The following CTNNA2 variants were observed in gnomAD, a reference collection of about 807,000 sequenced individuals.
CTNNA2 encodes the protein catenin alpha-2.
Under a neutral mutation model 101.0 loss-of-function variants are expected in CTNNA2, and 42 were observed. The observed-to-expected ratio is 0.42, with a 90% CI of 0.32 to 0.54. The LOEUF (loss-of-function observed/expected upper bound fraction) is 0.54, where lower values mean the gene tolerates loss of function less well. Ranked by LOEUF, CTNNA2 falls within the 20% of genes least tolerant of loss-of-function variation. The pLI, the probability that CTNNA2 is intolerant of heterozygous loss-of-function variation, is 0.14. For synonymous variants in CTNNA2, 450 were observed against 456.4 expected (o/e 0.99, Z 0.18); for missense variants, 871 against 1,223.1 (o/e 0.71, Z 4.29).
chr2:79,439,888 C>T (rs1311013155), intron 4 of CTNNA2, among the ~76,000 whole-genome samples: 1 of 152,162 alleles, frequency 6.6e-6, no homozygotes, highest in Non-Finnish European at 1.5e-5. Context: ...TGTTTGAGAA[C>T]CACTGCCTAG....
chr2:80,088,814 A>G (rs1272778754), intron 7 of CTNNA2, among the ~76,000 whole-genome samples: 1 of 152,104 alleles, frequency 6.6e-6, no homozygotes, highest in Admixed American at 6.6e-5. Context: ...AACACTCAAC[A>G]TGTTTGAAAG....
chr2:80,498,133 A>G (rs73941154), intron 9 of CTNNA2, among the ~76,000 whole-genome samples: 2,077 of 152,262 alleles, frequency 0.014, 52 homozygotes, highest in African/African-American at 0.048. Context: ...AACAAACAAC[A>G]ACCAAAAAAA....
intron 7 of CTNNA2, among the ~76,000 whole-genome samples, chr2:80,256,265 A>G (rs1389978611): frequency 6.6e-6 from 1 of 151,958 alleles, no homozygotes; most frequent in East Asian, 1.9e-4. Flanking sequence ...TCACAAAAAT[A>G]TATACACGGG....
chr2:80,528,879 G>T (rs1690274999), intron 9 of CTNNA2, among the ~76,000 whole-genome samples: 1 of 152,054 alleles, frequency 6.6e-6, no homozygotes, highest in Non-Finnish European at 1.5e-5. Flanking sequence ...CAGTCCCTGA[G>T]GACAGATTAG....
At chr2:80,616,175 C>A (rs1172547238) in intron 17 of CTNNA2, among the ~76,000 whole-genome samples, 7 of 151,666 alleles carry the variant, frequency 4.6e-5, no homozygotes, top group Non-Finnish European at 1.0e-4. Flanking sequence ...TTTGGCAAAT[C>A]TCTTTTGCAA....
intron 7 of CTNNA2, among the ~76,000 whole-genome samples, chr2:80,337,129 G>A (rs1238632627): frequency 6.6e-6 from 1 of 152,148 alleles, no homozygotes; most frequent in Non-Finnish European, 1.5e-5. Context: ...GCCGAGGTGG[G>A]CAGATCACGA....
chr2:79,969,507 C>A (rs1244055624), intron 7 of CTNNA2, among the ~76,000 whole-genome samples: 2 of 152,190 alleles, frequency 1.3e-5, no homozygotes, highest in African/African-American at 2.4e-5. Context: ...AAAGAAATTA[C>A]AGGTTTGTTT....
intron 2 of CTNNA2, among the ~76,000 whole-genome samples, chr2:79,287,287 G>A (rs757390065): frequency 6.6e-5 from 10 of 152,274 alleles, no homozygotes; most frequent in Admixed American, 2.6e-4. Context: ...GCTTTGTTCC[G>A]TTGCTGGTGA....
chr2:79,927,405 T>G (rs1574331478), intron 7 of CTNNA2, among the ~76,000 whole-genome samples: 1 of 152,086 alleles, frequency 6.6e-6, no homozygotes, highest in African/African-American at 2.4e-5. Flanking sequence ...ACTAGTGGAC[T>G]TTTAGGAAAG....
chr2:80,523,932 G>T lies in CTNNA2; in HGVS notation c.1291-21050G>T, dbSNP rs532013068. Among the ~76,000 whole-genome samples, 12 of 152,250 alleles carry T rather than the reference G, an allele frequency of 7.9e-5. 1 individual carries two copies. In the East Asian group the frequency reaches 2.3e-3, roughly 29 times the overall value. On this transcript the variant is annotated intron_variant, in intron 9 of 18. Transcript: ENST00000402739. ...AGGAAGGCTTCCTAGATGATGTGAG[G>T]CATGACTTTGACCTTAGGATAGGCA...
chr2:80,473,255 A>G (rs1467872487), intron 9 of CTNNA2, among the ~76,000 whole-genome samples: 1 of 152,168 alleles, frequency 6.6e-6, no homozygotes, highest in African/African-American at 2.4e-5. Context: ...AGTGGAAGGA[A>G]CAGAGGAGCC....
chr2:79,326,572 T>C (rs764531374), intron 3 of CTNNA2, among the ~76,000 whole-genome samples: 2 of 152,184 alleles, frequency 1.3e-5, no homozygotes, highest in Non-Finnish European at 2.9e-5. Context: ...AGGAATGGGC[T>C]AGTCATTTAT....
intron 2 of CTNNA2, among the ~76,000 whole-genome samples, chr2:79,700,333 A>G (rs2104752255): frequency 6.6e-6 from 1 of 152,258 alleles, no homozygotes; most frequent in Non-Finnish European, 1.5e-5. Flanking sequence ...CTATCATAGC[A>G]TTTCTGATGC....
intron 18 of CTNNA2, among the ~76,000 whole-genome samples, chr2:80,645,706 T>G (rs1674007160): frequency 6.6e-6 from 1 of 152,136 alleles, no homozygotes; most frequent in South Asian, 2.1e-4. Context: ...TTCTCTCCTG[T>G]TAACATGAAT....
At position 80,105,245 on chromosome 2, in the gene CTNNA2, C is replaced by T. The variant is rs368824111; in HGVS notation, c.1056+195448C>T. On this transcript the variant is annotated intron_variant, in intron 7 of 18. Coordinates refer to ENST00000402739, the MANE Select transcript of CTNNA2 (RefSeq NM_001282597.3). ...GAGTCATCGGCTCTCCAGGCCTACACGTGACAGGCCATTTCATGCCTCTCT... is the reference window on the plus strand; with the variant it reads ...GAGTCATCGGCTCTCCAGGCCTACATGTGACAGGCCATTTCATGCCTCTCT... 2.8e-3 allele frequency among the ~76,000 whole-genome samples: 429 copies of T among 152,258 alleles called. 1 individual carries two copies. Among genetic ancestry groups the T allele is most frequent in the African/African-American group, 8.8e-3 (366 of 41,538 alleles).
chr2:80,214,393 T>A, intron 7 of CTNNA2, among the ~76,000 whole-genome samples: 1 of 152,158 alleles, frequency 6.6e-6, no homozygotes, highest in East Asian at 1.9e-4. Flanking sequence ...CAGGAGCTCT[T>A]ATAAGGCAGG....
chr2:80,093,295 G>A (rs1699909580), intron 7 of CTNNA2, among the ~76,000 whole-genome samples: 1 of 151,940 alleles, frequency 6.6e-6, no homozygotes, highest in Non-Finnish European at 1.5e-5. Flanking sequence ...GAGAATGATG[G>A]TTTCCAGCTT....
At chr2:79,227,985 A>G (rs1457944581) in intron 2 of CTNNA2, among the ~76,000 whole-genome samples, 3 of 152,190 alleles carry the variant, frequency 2.0e-5, no homozygotes, top group Non-Finnish European at 4.4e-5. Flanking sequence ...TCCCACTTAT[A>G]TGTGAGAACA....
chr2:79,477,787 T>A (rs190001844), intron 4 of CTNNA2, among the ~76,000 whole-genome samples: 1 of 152,310 alleles, frequency 6.6e-6, no homozygotes, highest in East Asian at 1.9e-4. Flanking sequence ...AGTTACTGTT[T>A]AAAATAAATA....
Sources: gnomAD v4.1 joint callset for allele counts (sites outside exome capture counted in the v4.1 genomes callset) on GRCh38, gnomAD v4.1.1 for gene constraint, MANE v1.5 for transcripts, NCBI Gene and HGNC (gene_info 2026-07-23, HGNC 2026-07-21) for gene names.